SLC44A5: variants seen among roughly 807,000 people sequenced by gnomAD.
SLC44A5 encodes solute carrier family 44 member 5.
SLC44A5 carries 57 observed loss-of-function variants against 101.8 expected under a neutral mutation model. The ratio of observed to expected loss-of-function variants is 0.56; its 90% CI spans 0.45 to 0.70. The LOEUF (loss-of-function observed/expected upper bound fraction) is 0.70. Ranked by LOEUF, SLC44A5 falls within the 30% of genes least tolerant of loss-of-function variation. The pLI, the probability that SLC44A5 is intolerant of heterozygous loss-of-function variation, is 0.00. For missense variants in SLC44A5, 737 were observed against 853.1 expected, an observed-to-expected ratio of 0.86 and a Z score of 1.70; for synonymous variants, 281 against 290.9, an observed-to-expected ratio of 0.97 and a Z score of 0.35.
the SLC44A5 span, among the ~76,000 whole-genome samples, chr1:75,680,644 C>T: frequency 3.3e-5 from 5 of 150,602 alleles, no homozygotes; most frequent in South Asian, 1.1e-3. Context: ...CACTAAATGC[C>T]CACAAGAGAA....
chr1:75,238,347 T>C (rs1004339331), intron 10 of SLC44A5, among the ~76,000 whole-genome samples, 166 bp downstream of exon 10: 1 of 147,290 alleles, frequency 6.8e-6, no homozygotes, highest in Non-Finnish European at 1.5e-5. Flanking sequence ...TTAATGAATA[T>C]GTATCAAGCT....
chr1:75,206,789 G>T, intron 23 of SLC44A5: 2 of 892,978 alleles, frequency 2.2e-6, no homozygotes, highest in South Asian at 1.5e-5. Flanking sequence ...TTTATAAATT[G>T]GAGGGTCGAA....
rs1349013001 is a variant in SLC44A5, at chr1:75,504,923, C to T, written c.13+36512G>A. ...GTATATTGCATGATACTCATGTTTG[C>T]GTTATGAATGATCCCATCATCCAAA... On this transcript the variant is annotated intron_variant, in intron 2 of 23. Transcript: ENST00000370859. Among the ~76,000 whole-genome samples the T allele has an allele frequency of 1.3e-4, 19 of 151,978 alleles. 1 individual carries two copies. The highest frequency in any genetic ancestry group is 5.9e-4 in the Admixed American group (9 of 15,248).
chr1:75,385,478 G>A (rs999033193), intron 3 of SLC44A5, among the ~76,000 whole-genome samples: 136 of 152,042 alleles, frequency 8.9e-4, no homozygotes, highest in Middle Eastern at 6.8e-3. Flanking sequence ...TAAATTCCTC[G>A]ACACATACAC....
chr1:75,316,959 C>T (rs1185456153), intron 4 of SLC44A5, among the ~76,000 whole-genome samples: 1 of 152,146 alleles, frequency 6.6e-6, no homozygotes, highest in African/African-American at 2.4e-5. Context: ...AGGCAGCAAT[C>T]AGAGGGCAAA....
chr1:75,708,833 T>A, the SLC44A5 span, among the ~76,000 whole-genome samples: 1 of 152,192 alleles, frequency 6.6e-6, no homozygotes, highest in Non-Finnish European at 1.5e-5. Context: ...TATCAAATAT[T>A]AACATAATTT....
intron 1 of SLC44A5, chr1:75,582,482 A>G: frequency 1.7e-6 from 1 of 594,016 alleles, no homozygotes; most frequent in East Asian, 2.8e-5. Context: ...GGATCAAACC[A>G]AGGCCCAGCC....
chr1:75,204,206 A>G (rs950813846), intron 23 of SLC44A5, among the ~76,000 whole-genome samples: 5 of 152,194 alleles, frequency 3.3e-5, no homozygotes, highest in African/African-American at 1.2e-4. Flanking sequence ...TTTAAATAGT[A>G]TAGCCTTGAA....
intron 2 of SLC44A5, among the ~76,000 whole-genome samples, chr1:75,454,712 G>A (rs185159375): frequency 3.7e-4 from 56 of 152,062 alleles, no homozygotes; most frequent in Admixed American, 3.2e-3. Context: ...CAAAATAAAT[G>A]TACAAAAATC....
chr1:75,389,993 C>A (rs1032987371), intron 3 of SLC44A5, among the ~76,000 whole-genome samples: 3 of 152,040 alleles, frequency 2.0e-5, no homozygotes, highest in African/African-American at 7.2e-5. Context: ...GACATTACAA[C>A]CAATCCCATA....
At chr1:75,589,323 C>T (rs1294190732) in intron 1 of SLC44A5, among the ~76,000 whole-genome samples, 1 of 152,176 alleles carries the variant, frequency 6.6e-6, no homozygotes, top group Non-Finnish European at 1.5e-5. Flanking sequence ...TCCTAAGTTT[C>T]CTTATCTGCT....
intron 6 of SLC44A5, among the ~76,000 whole-genome samples, chr1:75,264,703 T>G (rs79874691): frequency 0.058 from 8,735 of 151,210 alleles, 280 homozygotes; most frequent in Middle Eastern, 0.14. Flanking sequence ...ACGAAGACAA[T>G]CTAACAATGC....
chr1:75,521,451 A>C (rs2101895875), intron 2 of SLC44A5: 1 of 152,286 alleles, frequency 6.6e-6, no homozygotes, highest in Non-Finnish European at 1.5e-5. Flanking sequence ...TATCTGTCTG[A>C]CTTGCCTCTT....
chr1:75,498,998 C>A (rs1668809020), intron 2 of SLC44A5, among the ~76,000 whole-genome samples: 1 of 152,114 alleles, frequency 6.6e-6, no homozygotes, highest in Non-Finnish European at 1.5e-5. Flanking sequence ...TTTTACTGTG[C>A]CTTTTCTATG....
At chr1:75,483,357 A>G (rs1003714258) in intron 2 of SLC44A5, among the ~76,000 whole-genome samples, 4 of 152,196 alleles carry the variant, frequency 2.6e-5, no homozygotes, top group African/African-American at 9.7e-5. Context: ...AAGCTTAAAA[A>G]CATTTGGTTC....
intron 2 of SLC44A5, among the ~76,000 whole-genome samples, chr1:75,501,447 TA>T (rs1668954012): frequency 2.0e-5 from 3 of 152,214 alleles, no homozygotes; most frequent in African/African-American, 7.2e-5. Flanking sequence ...TGCACAAAAC[TA>T]AAGATAGCAG....
At chr1:75,300,543 T>TGGA in intron 5 of SLC44A5, 69 bp downstream of exon 5, 15 of 1,051,714 alleles carry the variant, frequency 1.4e-5, no homozygotes, top group Non-Finnish European at 2.1e-5. Context: ...ATTAATTTTT[T>TGGA]ATATGTGACA....
chr1:75,689,746 C>G, the SLC44A5 span, among the ~76,000 whole-genome samples: 1 of 152,230 alleles, frequency 6.6e-6, no homozygotes, highest in Admixed American at 6.5e-5. Context: ...CCATCTGAGA[C>G]TCTGTCAAAG....
At chr1:75,445,453 A>G (rs1665498622) in intron 2 of SLC44A5, among the ~76,000 whole-genome samples, 1 of 118,430 alleles carries the variant, frequency 8.4e-6, no homozygotes, top group East Asian at 2.1e-4. Flanking sequence ...ACACAAATGG[A>G]CTAATATGCT....
Sources: allele counts gnomAD v4.1 joint callset (sites outside exome capture counted in the v4.1 genomes callset), GRCh38; gene constraint gnomAD v4.1.1; transcripts MANE v1.5; gene names NCBI Gene and HGNC (gene_info 2026-07-23, HGNC 2026-07-21).